EYS: variants seen among roughly 807,000 people sequenced by gnomAD.
The protein encoded by EYS is protein eyes shut homolog.
In EYS, 250 loss-of-function variants were observed where a neutral mutation model predicts 282.1. That is an observed-to-expected ratio of 0.89 (90% CI 0.80 to 0.98). The LOEUF (loss-of-function observed/expected upper bound fraction) is 0.98. EYS is among the 50% of genes least tolerant of loss of function. The probability of loss-of-function intolerance (pLI) is 0.00; values close to 1 mark genes in which losing one functional copy is unlikely to be tolerated. For synonymous variants in EYS, 1,355 were observed against 1,282.9 expected, an observed-to-expected ratio of 1.06 and a Z score of -1.20; for missense variants, 4,016 against 3,709.0, an observed-to-expected ratio of 1.08 and a Z score of -2.15.
chr6:65,668,740 T>C (rs192571484), intron 1 of EYS, among the ~76,000 whole-genome samples: 17 of 152,058 alleles, frequency 1.1e-4, no homozygotes, highest in African/African-American at 3.8e-4. Flanking sequence ...CTTTAAACAT[T>C]GAAGACATTG....
chr6:63,983,643 T>C (rs1316210997), intron 35 of EYS, among the ~76,000 whole-genome samples: 3 of 151,806 alleles, frequency 2.0e-5, no homozygotes, highest in Admixed American at 6.6e-5. Context: ...TCCTGTGCAA[T>C]TTGGTCAATT....
chr6:65,512,235 G>C (rs1400942484), intron 2 of EYS, among the ~76,000 whole-genome samples: 1 of 152,014 alleles, frequency 6.6e-6, no homozygotes, highest in Non-Finnish European at 1.5e-5. Flanking sequence ...GCTCATGCCT[G>C]TAATCCCATC....
At chr6:64,447,724 A>C (rs1775164482) in intron 26 of EYS, among the ~76,000 whole-genome samples, 1 of 152,214 alleles carries the variant, frequency 6.6e-6, no homozygotes, top group Admixed American at 6.5e-5. Flanking sequence ...GGCTAAAGGA[A>C]ATATATAAGT....
chr6:65,481,416 A>T (rs540287444), intron 5 of EYS, among the ~76,000 whole-genome samples: 1 of 152,316 alleles, frequency 6.6e-6, no homozygotes, highest in South Asian at 2.1e-4. Flanking sequence ...CTCATTTCTC[A>T]ATACAAGCAA....
At chr6:64,311,979 G>GCTTT (rs563437473) in intron 29 of EYS, among the ~76,000 whole-genome samples, 1 of 139,946 alleles carries the variant, frequency 7.1e-6, no homozygotes, top group Non-Finnish European at 1.5e-5. Flanking sequence ...GCTGCAGAAG[G>GCTTT]TTTTTTTTTT....
Position 65,456,721 on chromosome 6 carries a change from A to T in EYS, c.862+33873T>A, listed in dbSNP as rs571028564. Reference sequence around the variant, plus strand: ...ACAAAATTCAACATCCCTTCATGATAAAAAAAAAAACCTCACAACAAATTA... The same window carrying T: ...ACAAAATTCAACATCCCTTCATGATTAAAAAAAAAACCTCACAACAAATTA... On this transcript the variant is annotated intron_variant, in intron 5 of 42. Transcript: ENST00000503581. Among the ~76,000 whole-genome samples the T allele has an allele frequency of 4.5e-4, 44 of 97,640 alleles. No homozygotes were observed. In the South Asian group the frequency reaches 0.013, roughly 29 times the overall value. 64.1% of individuals were successfully genotyped at this position (97,640 alleles called of 152,430 possible). A position where few individuals can be genotyped will look rare whatever the true frequency, so the allele number is the denominator to read the frequency against.
At chr6:64,428,728 T>G (rs964730069) in intron 28 of EYS, among the ~76,000 whole-genome samples, 1 of 152,202 alleles carries the variant, frequency 6.6e-6, no homozygotes, top group African/African-American at 2.4e-5. Flanking sequence ...AATTATACTT[T>G]ATGATATTGT....
chr6:63,902,440 ATG>A (rs1157946782), intron 35 of EYS, among the ~76,000 whole-genome samples: 1 of 152,186 alleles, frequency 6.6e-6, no homozygotes, highest in African/African-American at 2.4e-5. Context: ...GAAATGGTAA[ATG>A]TGCAGCAAAC....
chr6:64,393,780 A>T (rs151208658), intron 28 of EYS, among the ~76,000 whole-genome samples: 2,266 of 152,014 alleles, frequency 0.015, 16 homozygotes, highest in East Asian at 0.033. Context: ...AGTTCTGGCC[A>T]GGGCAATTAG....
At chr6:63,893,697 T>G (rs1032938314) in intron 35 of EYS, among the ~76,000 whole-genome samples, 1 of 152,084 alleles carries the variant, frequency 6.6e-6, no homozygotes, top group Non-Finnish European at 1.5e-5. Flanking sequence ...GTTCTGCACA[T>G]GTATCCCAGA....
intron 15 of EYS, among the ~76,000 whole-genome samples, chr6:64,934,935 C>T (rs938638580): frequency 2.0e-5 from 3 of 151,474 alleles, no homozygotes; most frequent in Admixed American, 2.0e-4. Flanking sequence ...AGCATAAAAC[C>T]ATAATTATAA....
chr6:63,764,728 T>C (rs1397811266), intron 40 of EYS, among the ~76,000 whole-genome samples: 2 of 152,002 alleles, frequency 1.3e-5, no homozygotes, highest in Non-Finnish European at 2.9e-5. Flanking sequence ...AAGCATAATT[T>C]AATATAGATG....
chr6:64,683,124 C>A (rs562206187), intron 22 of EYS, among the ~76,000 whole-genome samples: 1 of 152,198 alleles, frequency 6.6e-6, no homozygotes, highest in African/African-American at 2.4e-5. Context: ...AGTAGTAATC[C>A]TTCCATGTCA....
intron 31 of EYS, among the ~76,000 whole-genome samples, chr6:64,103,916 T>C (rs1447430819): frequency 6.6e-6 from 1 of 152,100 alleles, no homozygotes; most frequent in Non-Finnish European, 1.5e-5. Flanking sequence ...ATGAGTATGT[T>C]GTGGGTTAAG....
chr6:65,589,656 A>T (rs148147898), intron 2 of EYS, among the ~76,000 whole-genome samples: 148 of 152,136 alleles, frequency 9.7e-4, no homozygotes, highest in African/African-American at 3.1e-3. Flanking sequence ...ACATTCTAGA[A>T]TGCCTAGAAA....
chr6:64,013,501 A>G (rs1018127453), intron 33 of EYS, among the ~76,000 whole-genome samples: 4 of 152,210 alleles, frequency 2.6e-5, no homozygotes, highest in Non-Finnish European at 4.4e-5. Context: ...ATGAGTGTCA[A>G]TGGGATGCTG....
intron 33 of EYS, among the ~76,000 whole-genome samples, chr6:64,051,183 A>C (rs1214858194): frequency 4.6e-5 from 7 of 152,164 alleles, no homozygotes; most frequent in Admixed American, 4.6e-4. Flanking sequence ...CATTCATTTG[A>C]GAAATATCTA....
intron 11 of EYS, chr6:65,330,506 C>A (rs558819887): frequency 3.0e-6 from 3 of 984,148 alleles, no homozygotes; most frequent in African/African-American, 1.7e-5. Context: ...TTTATAAACC[C>A]CCAGAAAAAT....
intron 12 of EYS, among the ~76,000 whole-genome samples, chr6:65,218,674 T>A (rs553217093): frequency 6.6e-6 from 1 of 152,250 alleles, no homozygotes; most frequent in Admixed American, 6.5e-5. Flanking sequence ...CTCTAGCCAC[T>A]CAAGATTTGT....
Sources: gnomAD v4.1 joint callset for allele counts (sites outside exome capture counted in the v4.1 genomes callset) on GRCh38, gnomAD v4.1.1 for gene constraint, MANE v1.5 for transcripts, NCBI Gene and HGNC (gene_info 2026-07-23, HGNC 2026-07-21) for gene names.